Variants in NXN observed in about 807,000 individuals in gnomAD.
NXN encodes nucleoredoxin 1.
Under a neutral mutation model 48.6 loss-of-function variants are expected in NXN, and 16 were observed. The observed-to-expected ratio is 0.33, with a 90% CI of 0.22 to 0.50. The LOEUF (loss-of-function observed/expected upper bound fraction) is 0.50, where lower values mean the gene tolerates loss of function less well. Ranked by LOEUF, NXN falls within the 20% of genes least tolerant of loss-of-function variation. The probability of loss-of-function intolerance (pLI) is 0.98; values close to 1 mark genes in which losing one functional copy is unlikely to be tolerated. For synonymous variants in NXN, 281 were observed against 269.6 expected (o/e 1.04, Z -0.41); for missense variants, 492 against 605.5 (o/e 0.81, Z 1.97).
At chr17:878,420 A>T (rs946742308) in intron 1 of NXN, 2 of 48,752 alleles carry the variant, frequency 4.1e-5, no homozygotes. Flanking sequence ...GGGGTGGGGG[A>T]GGGGGTGCCC....
At chr17:864,247 G>T (rs776829879) in intron 1 of NXN, 109 of 1,185,790 alleles carry the variant, frequency 9.2e-5, no homozygotes, top group Admixed American at 1.8e-4. Flanking sequence ...TTTTCTGTAG[G>T]TCTGAAATTT....
chr17:827,917 C>T (rs1487018761), intron 1 of NXN, among the ~76,000 whole-genome samples: 1 of 152,128 alleles, frequency 6.6e-6, no homozygotes, highest in Non-Finnish European at 1.5e-5. Context: ...GGGGATCTGC[C>T]ACACAATGCT....
At position 837,521 on chromosome 17, in the gene NXN, G is replaced by A. The variant is rs539494641; in HGVS notation, c.361-11443C>T. ...AGGGAGAGAGGAATCACCGTCCTAG[G>A]TCAGCCAGAACAGATGCCCCCTAAT... On this transcript the variant is annotated intron_variant, in intron 1 of 7. Coordinates refer to ENST00000336868, the MANE Select transcript of NXN (RefSeq NM_022463.5). Among the ~76,000 whole-genome samples the A allele has an allele frequency of 1.8e-4, 27 of 152,308 alleles. No homozygotes were observed. In the South Asian group the frequency reaches 5.6e-3, roughly 32 times the overall value.
At chr17:819,854 A>G (rs1912723995) in intron 4 of NXN, among the ~76,000 whole-genome samples, 1 of 152,218 alleles carries the variant, frequency 6.6e-6, no homozygotes, top group Non-Finnish European at 1.5e-5. Flanking sequence ...TTCTTGCCTC[A>G]GAGCTCAGAT....
chr17:890,826 T>C (rs142975498), intron 1 of NXN, among the ~76,000 whole-genome samples: 25 of 152,110 alleles, frequency 1.6e-4, no homozygotes, highest in Non-Finnish European at 3.1e-4. Flanking sequence ...GGGAGTGAGT[T>C]TGGCTTTTGG....
intron 1 of NXN, among the ~76,000 whole-genome samples, chr17:843,693 G>A (rs1292109576): frequency 6.6e-6 from 1 of 152,206 alleles, no homozygotes. Flanking sequence ...GGGTTTCTGT[G>A]GCTTGCAGCC....
intron 4 of NXN, among the ~76,000 whole-genome samples, chr17:820,200 T>C (rs1172857348): frequency 6.6e-6 from 1 of 152,208 alleles, no homozygotes; most frequent in Admixed American, 6.5e-5. Flanking sequence ...CCGTGCCTTG[T>C]CTGTGATGAT....
intron 1 of NXN, among the ~76,000 whole-genome samples, chr17:865,719 C>CAGCATG (rs2068088766): frequency 6.6e-6 from 1 of 151,830 alleles, no homozygotes. Context: ...CGCAGTGGCT[C>CAGCATG]ACGCCTGTAA....
intron 1 of NXN, among the ~76,000 whole-genome samples, chr17:881,755 C>T (rs115628039): frequency 1.3e-5 from 2 of 152,310 alleles, no homozygotes; most frequent in African/African-American, 4.8e-5. Context: ...ACAAGATGCT[C>T]GTCCAATGGG....
chr17:823,893 G>A (rs967772648), intron 2 of NXN, 128 bp from the exon 3 acceptor site: 8 of 809,670 alleles, frequency 9.9e-6, no homozygotes, highest in East Asian at 5.2e-5. Flanking sequence ...AGCGGCAGGC[G>A]TGACAAGATA....
At chr17:829,516 C>A (rs568183516) in intron 1 of NXN, among the ~76,000 whole-genome samples, 1 of 148,922 alleles carries the variant, frequency 6.7e-6, no homozygotes, top group East Asian at 2.0e-4. Context: ...AGGTTTGTTA[C>A]GTAGGAATAC....
At chr17:895,830 A>AAAC (rs2068478279) in intron 1 of NXN, among the ~76,000 whole-genome samples, 2 of 105,454 alleles carry the variant, frequency 1.9e-5, no homozygotes, top group African/African-American at 2.7e-5. Context: ...AACAAACAAA[A>AAAC]AAACTAATTT....
rs139515684 is a variant in NXN, at chr17:924,602, G to A, written c.360+54717C>T. On this transcript the variant is annotated intron_variant, in intron 1 of 7. Transcript: ENST00000336868. ...AAATGTCCTATTTCAAGTGTGTTCC[G>A]GTGGACCGTCCTGCAGCATTAGGTG... Among the ~76,000 whole-genome samples the A allele has an allele frequency of 4.5e-3, 685 of 152,292 alleles. 4 individuals are homozygous for A. The highest frequency in any genetic ancestry group is 0.012 in the South Asian group (57 of 4,820).
chr17:810,101 C>T (rs79519799), intron 5 of NXN, among the ~76,000 whole-genome samples: 6 of 96,250 alleles, frequency 6.2e-5, no homozygotes, highest in Admixed American at 1.1e-4. Context: ...GTGTGAGTGG[C>T]GTGCACGTTA....
intron 1 of NXN, among the ~76,000 whole-genome samples, chr17:931,729 G>C (rs1215895084): frequency 6.6e-6 from 1 of 150,682 alleles, no homozygotes; most frequent in Admixed American, 6.6e-5. Context: ...CAGCTACTCG[G>C]GAGGCTGAGG....
chr17:810,247 G>A (rs201958821), intron 5 of NXN, among the ~76,000 whole-genome samples: 3 of 96,688 alleles, frequency 3.1e-5, no homozygotes, highest in African/African-American at 6.9e-5. Context: ...TGCACGTTAC[G>A]AGTCTGTGAG....
intron 1 of NXN, among the ~76,000 whole-genome samples, chr17:888,032 C>A (rs2068367613): frequency 6.6e-6 from 1 of 152,138 alleles, no homozygotes. Context: ...AGAAGCGTGC[C>A]AGGTACAGCA....
At chr17:846,562 G>C (rs1190222394) in intron 1 of NXN, among the ~76,000 whole-genome samples, 1 of 152,180 alleles carries the variant, frequency 6.6e-6, no homozygotes, top group East Asian at 1.9e-4. Flanking sequence ...CTGAACAAAG[G>C]GGCACAAAAG....
In NXN at chr17:958,894, T is replaced by A. The variant is rs180976810; in HGVS notation, c.360+20425A>T. ...CTGCAGTGAGTCATGATCACACTAC[T>A]GTGCTCCAGCCTGGGTGACAGCCTG... On this transcript the variant is annotated intron_variant, in intron 1 of 7. Transcript: ENST00000336868. The surrounding 1 kb of genome is among the most constrained non-coding windows in gnomAD (Gnocchi z 6.9). The A allele has an allele frequency of 6.5e-6, 1 of 154,990 alleles. No homozygotes were observed. The highest frequency in any genetic ancestry group is 1.4e-5 in the Non-Finnish European group (1 of 69,860). 9.6% of individuals were successfully genotyped at this position (154,990 alleles called of 1,614,324 possible).
Sources: allele counts gnomAD v4.1 joint callset (sites outside exome capture counted in the v4.1 genomes callset), GRCh38; gene constraint gnomAD v4.1.1; non-coding constraint Gnocchi (gnomAD v3.1); transcripts MANE v1.5; gene names NCBI Gene and HGNC (gene_info 2026-07-23, HGNC 2026-07-21).